Variants in DNAH6 observed in about 807,000 individuals in gnomAD.
DNAH6 encodes the protein axonemal beta dynein heavy chain 6.
In DNAH6, 340 loss-of-function variants were observed where a neutral mutation model predicts 491.4. The observed-to-expected ratio is 0.69, with a 90% CI of 0.63 to 0.76. DNAH6 has a LOEUF of 0.76. Ranked by LOEUF, DNAH6 falls within the 30% of genes least tolerant of loss-of-function variation. The pLI is 0.00. For missense variants in DNAH6, 4,443 were observed against 4,972.2 expected (o/e 0.89, Z 3.20); for synonymous variants, 1,603 against 1,686.1 (o/e 0.95, Z 1.21).
the DNAH6 span, among the ~76,000 whole-genome samples, chr2:84,498,074 T>C: frequency 1.3e-5 from 2 of 152,202 alleles, no homozygotes; most frequent in Non-Finnish European, 2.9e-5. Context: ...TAAACTTCCA[T>C]AGGGCCACCA....
At chr2:84,581,621 G>A (rs1449356661) in intron 14 of DNAH6, among the ~76,000 whole-genome samples, 1 of 152,046 alleles carries the variant, frequency 6.6e-6, no homozygotes, top group East Asian at 1.9e-4. Flanking sequence ...CCAGGGAGAG[G>A]GAAAGCCATG....
intron 33 of DNAH6, among the ~76,000 whole-genome samples, chr2:84,645,146 G>A (rs182910819): frequency 2.8e-4 from 42 of 152,236 alleles, no homozygotes; most frequent in African/African-American, 8.7e-4. Flanking sequence ...TAGGCCGGGG[G>A]TGGTGGCTCA....
At chr2:84,649,075 G>A (rs191121878) in intron 33 of DNAH6, among the ~76,000 whole-genome samples, 2 of 152,252 alleles carry the variant, frequency 1.3e-5, no homozygotes, top group East Asian at 3.9e-4. Flanking sequence ...TGGCTCAGAT[G>A]GTCATTAGCC....
At position 84,733,598 on chromosome 2, in the gene DNAH6, C is replaced by A. The variant is rs561539616; in HGVS notation, c.10342+19C>A. On this transcript the variant is annotated intron_variant, in intron 62 of 76. Transcript: ENST00000389394. The stretch of plus-strand genomic sequence containing the variant: ...CGCTTAGGTAATGTGACAAAAAGAA[C>A]CTGCTGAGGAGGCTTATAAACAGGC... 2 of 1,548,792 alleles carry A rather than the reference C, an allele frequency of 1.3e-6. No homozygotes were observed. The highest frequency in any genetic ancestry group is 1.7e-6 in the Non-Finnish European group (2 of 1,145,278).
the DNAH6 span, among the ~76,000 whole-genome samples, chr2:84,510,746 G>C: frequency 2.6e-5 from 4 of 152,018 alleles, no homozygotes; most frequent in East Asian, 7.7e-4. Flanking sequence ...ATACAGATGG[G>C]GTTTTGGTGT....
chr2:84,785,359 G>T (rs1341846732), intron 66 of DNAH6, among the ~76,000 whole-genome samples: 1 of 152,184 alleles, frequency 6.6e-6, no homozygotes, highest in Non-Finnish European at 1.5e-5. Context: ...GACACTAAAT[G>T]GAAGTGTCTG....
chr2:84,553,240 T>C (rs531741805), intron 10 of DNAH6, among the ~76,000 whole-genome samples: 3 of 152,306 alleles, frequency 2.0e-5, no homozygotes, highest in Admixed American at 6.5e-5. Context: ...TTGAGTCAGA[T>C]TAGAGGCTTG....
chr2:84,477,739 T>C, the DNAH6 span, among the ~76,000 whole-genome samples: 4 of 152,134 alleles, frequency 2.6e-5, no homozygotes, highest in Non-Finnish European at 5.9e-5. Context: ...GAAAGGGGGC[T>C]GAATATTTGT....
At chr2:84,482,158 T>C in the DNAH6 span, among the ~76,000 whole-genome samples, 1 of 152,228 alleles carries the variant, frequency 6.6e-6, no homozygotes, top group Non-Finnish European at 1.5e-5. Flanking sequence ...ACAGATTTAA[T>C]TTTTAGGGGG....
chr2:84,685,181 G>T, intron 42 of DNAH6, 145 bp from the exon 43 acceptor site: 1 of 482,462 alleles, frequency 2.1e-6, no homozygotes, highest in East Asian at 3.1e-5. Context: ...GTCACTATTA[G>T]TATATGTGTA....
At chr2:84,609,006 T>TGATA (rs905625642) in intron 21 of DNAH6, among the ~76,000 whole-genome samples, 2 of 152,202 alleles carry the variant, frequency 1.3e-5, no homozygotes, top group East Asian at 3.9e-4. Flanking sequence ...TATGTTACAG[T>TGATA]GATAGCTTCT....
intron 12 of DNAH6, among the ~76,000 whole-genome samples, chr2:84,574,662 A>T (rs1247275125): frequency 6.6e-6 from 1 of 152,168 alleles, no homozygotes; most frequent in Non-Finnish European, 1.5e-5. Context: ...ACACTATCAC[A>T]TGGAGACTTA....
chr2:84,707,948 A>G (rs888720450), intron 54 of DNAH6, among the ~76,000 whole-genome samples: 4 of 152,128 alleles, frequency 2.6e-5, no homozygotes, highest in African/African-American at 9.7e-5. Context: ...AAAGCTATTC[A>G]TCATTTACAC....
intron 54 of DNAH6, 32 bp downstream of exon 54, chr2:84,707,748 A>G: frequency 6.5e-7 from 1 of 1,528,340 alleles, no homozygotes; most frequent in South Asian, 1.2e-5. Flanking sequence ...AAGGAGGGGT[A>G]AGAAGCAGCT....
At chr2:84,767,287 C>A (rs1266196560) in intron 64 of DNAH6, among the ~76,000 whole-genome samples, 2 of 152,110 alleles carry the variant, frequency 1.3e-5, no homozygotes, top group Admixed American at 1.3e-4. Flanking sequence ...AATCTCAGCA[C>A]TTTGGGAGTC....
intron 29 of DNAH6, among the ~76,000 whole-genome samples, chr2:84,630,323 A>G (rs1169584308): frequency 6.6e-6 from 1 of 152,200 alleles, no homozygotes; most frequent in Non-Finnish European, 1.5e-5. Context: ...ATCGATCACA[A>G]CTTTGACAAT....
intron 51 of DNAH6, 124 bp downstream of exon 51, chr2:84,704,426 CA>C: frequency 2.8e-6 from 2 of 718,132 alleles, no homozygotes; most frequent in Non-Finnish European, 4.6e-6. Context: ...GGTCATTCAA[CA>C]AATTGATTCA....
chr2:84,735,707 G>C (rs577070901), intron 62 of DNAH6, among the ~76,000 whole-genome samples: 105 of 151,712 alleles, frequency 6.9e-4, no homozygotes, highest in African/African-American at 2.4e-3. Flanking sequence ...CATGTTCTTT[G>C]CCCACTTTTT....
chr2:84,772,716 C>G (rs1675751382), intron 64 of DNAH6, among the ~76,000 whole-genome samples: 1 of 152,038 alleles, frequency 6.6e-6, no homozygotes, highest in Non-Finnish European at 1.5e-5. Flanking sequence ...AATGTCCCAT[C>G]TTTAATAAGG....
Sources: gnomAD v4.1 joint callset for allele counts (sites outside exome capture counted in the v4.1 genomes callset) on GRCh38, gnomAD v4.1.1 for gene constraint, MANE v1.5 for transcripts, NCBI Gene and HGNC (gene_info 2026-07-23, HGNC 2026-07-21) for gene names.